GPHN: variants seen among roughly 807,000 people sequenced by gnomAD.
GPHN encodes gephyrin.
In GPHN, 17 loss-of-function variants were observed where a neutral mutation model predicts 95.5. The observed-to-expected ratio is 0.18, with a 90% CI of 0.12 to 0.27. GPHN has a LOEUF of 0.27. Among genes scored for constraint, GPHN ranks in the 10% least tolerant of loss-of-function variants. The pLI is 1.00. For missense variants in GPHN, 660 were observed against 978.1 expected (o/e 0.67, Z 4.34); for synonymous variants, 320 against 322.5 (o/e 0.99, Z 0.08).
chr14:67,724,511 A>C, the GPHN span: 6 of 1,613,210 alleles, frequency 3.7e-6, no homozygotes, highest in Non-Finnish European at 4.2e-6. Context: ...ACAAATGTGC[A>C]GCTTCCTGGC....
chr14:67,045,401 T>C (rs1308440744), intron 10 of GPHN, among the ~76,000 whole-genome samples: 1 of 152,052 alleles, frequency 6.6e-6, no homozygotes, highest in Non-Finnish European at 1.5e-5. Context: ...TCTCTGTCTC[T>C]CTCTCTGTGT....
intron 11 of GPHN, among the ~76,000 whole-genome samples, chr14:67,076,011 T>C (rs1478975380): frequency 6.6e-6 from 1 of 152,180 alleles, no homozygotes; most frequent in African/African-American, 2.4e-5. Flanking sequence ...CTACTGTGGA[T>C]TAAATGCTGT....
At chr14:67,675,827 G>T in the GPHN span, among the ~76,000 whole-genome samples, 2 of 152,134 alleles carry the variant, frequency 1.3e-5, no homozygotes, top group Admixed American at 6.5e-5. Flanking sequence ...GTCGGGCATG[G>T]TGGCTCACGC....
At chr14:67,105,024 T>G (rs548036822) in intron 13 of GPHN, among the ~76,000 whole-genome samples, 1 of 152,130 alleles carries the variant, frequency 6.6e-6, no homozygotes, top group Non-Finnish European at 1.5e-5. Flanking sequence ...TCCCATAGGT[T>G]TTTGTCTGCT....
chr14:67,538,669 T>C, the GPHN span, among the ~76,000 whole-genome samples: 1 of 152,164 alleles, frequency 6.6e-6, no homozygotes, highest in African/African-American at 2.4e-5. Context: ...TCCTGATCTA[T>C]TTCAAAACCT....
At chr14:67,199,343 A>C in the GPHN span, 2 of 1,614,028 alleles carry the variant, frequency 1.2e-6, no homozygotes, top group East Asian at 4.5e-5. Context: ...TCACAACAAA[A>C]ACCTGGATGT....
At chr14:67,144,431 T>TG (rs941482915) in intron 18 of GPHN, among the ~76,000 whole-genome samples, 6 of 150,954 alleles carry the variant, frequency 4.0e-5, no homozygotes, top group Non-Finnish European at 7.4e-5. Flanking sequence ...CGATGACTAT[T>TG]GGGTCTACTG....
At chr14:66,612,270 ACTT>A (rs989213145) in intron 1 of GPHN, among the ~76,000 whole-genome samples, 10 of 151,314 alleles carry the variant, frequency 6.6e-5, no homozygotes, top group African/African-American at 2.4e-4. Context: ...TTTTCTTCTA[ACTT>A]CTTTTTAATT....
the GPHN span, chr14:67,581,461 G>A: frequency 2.1e-4 from 37 of 174,842 alleles, 1 homozygote; most frequent in East Asian, 5.8e-3. Context: ...GGGAGGTTGA[G>A]GCTGCAGTGA....
chr14:66,745,900 C>T (rs1255670664), intron 2 of GPHN, among the ~76,000 whole-genome samples: 2 of 151,960 alleles, frequency 1.3e-5, no homozygotes, highest in Non-Finnish European at 2.9e-5. Context: ...ATCTGTTTTA[C>T]ATCACTATAG....
chr14:66,658,455 A>C (rs995558548), intron 1 of GPHN, among the ~76,000 whole-genome samples: 1 of 152,200 alleles, frequency 6.6e-6, no homozygotes, highest in South Asian at 2.1e-4. Flanking sequence ...ATTAAATAGC[A>C]TTACATGGTA....
chr14:67,311,369 A>C, the GPHN span, among the ~76,000 whole-genome samples: 38 of 151,480 alleles, frequency 2.5e-4, no homozygotes, highest in East Asian at 7.2e-3. Context: ...ATGGACCTTG[A>C]ATTCTTAGAC....
chr14:67,322,689 C>A, the GPHN span, among the ~76,000 whole-genome samples: 7 of 152,010 alleles, frequency 4.6e-5, no homozygotes. Context: ...CTTTAGAGTT[C>A]TTTATATTAT....
chr14:66,710,756 GGCTTTTTAA>G (rs1229178096), intron 2 of GPHN, among the ~76,000 whole-genome samples: 1 of 152,080 alleles, frequency 6.6e-6, no homozygotes. Flanking sequence ...CACTAAATAG[GGCTTTTTAA>G]CCTATGTGCC....
intron 8 of GPHN, among the ~76,000 whole-genome samples, chr14:66,951,661 T>G (rs1328553941): frequency 6.6e-6 from 1 of 152,010 alleles, no homozygotes; most frequent in Non-Finnish European, 1.5e-5. Context: ...CTACCAAATA[T>G]CAAGATTTAG....
chr14:66,942,742 A>G (rs2067501784), intron 8 of GPHN, among the ~76,000 whole-genome samples: 1 of 152,226 alleles, frequency 6.6e-6, no homozygotes. Flanking sequence ...GTAACTAAAT[A>G]TGCCAAATAA....
At chr14:66,754,767 T>C (rs983056579) in intron 2 of GPHN, among the ~76,000 whole-genome samples, 15 of 152,144 alleles carry the variant, frequency 9.9e-5, no homozygotes, top group Non-Finnish European at 1.9e-4. Context: ...TTGACTTTTA[T>C]AGACTTCAGA....
intron 1 of GPHN, among the ~76,000 whole-genome samples, chr14:66,613,180 CAT>C (rs1211929706): frequency 6.6e-6 from 1 of 152,036 alleles, no homozygotes; most frequent in African/African-American, 2.4e-5. Flanking sequence ...AACTGATCAA[CAT>C]ATAATTTTGT....
At chr14:67,692,716 G>T in the GPHN span, 6 of 1,182,930 alleles carry the variant, frequency 5.1e-6, no homozygotes, top group African/African-American at 7.8e-5. Context: ...CACAACAGAG[G>T]TATCTGATTA....
Sources: allele counts gnomAD v4.1 joint callset (sites outside exome capture counted in the v4.1 genomes callset), GRCh38; gene constraint gnomAD v4.1.1; transcripts MANE v1.5; gene names NCBI Gene and HGNC (gene_info 2026-07-23, HGNC 2026-07-21).